The following CTNNA3 variants were observed in gnomAD, a reference collection of about 807,000 sequenced individuals.
CTNNA3 encodes the protein catenin alpha 3.
A neutral mutation model predicts 95.7 loss-of-function variants in CTNNA3; 76 were observed. That is an observed-to-expected ratio of 0.79 (90% CI 0.66 to 0.96). The LOEUF is 0.96. CTNNA3 is among the 40% of genes least tolerant of loss of function. CTNNA3 has a pLI of 0.00. For synonymous variants in CTNNA3, 431 were observed against 374.4 expected (o/e 1.15, Z -1.74); for missense variants, 1,191 against 1,089.8 (o/e 1.09, Z -1.31).
At chr10:66,471,181 T>C in intron 11 of CTNNA3, among the ~76,000 whole-genome samples, 1 of 151,896 alleles carries the variant, frequency 6.6e-6, no homozygotes, top group East Asian at 1.9e-4. Flanking sequence ...AATTATAAAG[T>C]CAATTAAAAA....
Position 67,378,994 on chromosome 10 carries a change from T to C in CTNNA3, c.579+142848A>G, listed in dbSNP as rs556502084. Among the ~76,000 whole-genome samples, 287 of 152,328 alleles carry C rather than the reference T, an allele frequency of 1.9e-3. 1 individual carries two copies. The highest frequency in any genetic ancestry group is 3.3e-3 in the Non-Finnish European group (226 of 68,020). The stretch of plus-strand genomic sequence containing the variant: ...CATTTTCAATTGTCGTTTGTCTACA[T>C]TGACAAATGCAGAGCTTCTTCACTG... On this transcript the variant is annotated intron_variant, in intron 5 of 17. Transcript: ENST00000433211.
chr10:66,021,061 A>T (rs7098230), intron 15 of CTNNA3, among the ~76,000 whole-genome samples: 2 of 151,934 alleles, frequency 1.3e-5, no homozygotes, highest in African/African-American at 2.4e-5. Context: ...CCCACAGCTC[A>T]TAAGTATCTC....
At chr10:66,714,089 G>A (rs117992948) in intron 9 of CTNNA3, among the ~76,000 whole-genome samples, 885 of 152,192 alleles carry the variant, frequency 5.8e-3, no homozygotes, top group Middle Eastern at 0.02. Flanking sequence ...CTCCAAAGAG[G>A]AGACCACACC....
intron 6 of CTNNA3, among the ~76,000 whole-genome samples, chr10:67,207,974 C>T (rs1004674166): frequency 1.3e-5 from 2 of 152,144 alleles, no homozygotes; most frequent in Admixed American, 6.6e-5. Flanking sequence ...ATTTGAGAAA[C>T]ATCAACAGAA....
intron 11 of CTNNA3, among the ~76,000 whole-genome samples, chr10:66,431,773 G>A (rs2093298574): frequency 2.0e-5 from 3 of 149,474 alleles, no homozygotes; most frequent in Admixed American, 2.0e-4. Flanking sequence ...GGGAGGGATA[G>A]CATTAGGAGA....
intron 13 of CTNNA3, among the ~76,000 whole-genome samples, chr10:66,211,752 C>T (rs1389336901): frequency 6.6e-6 from 1 of 152,166 alleles, no homozygotes; most frequent in Non-Finnish European, 1.5e-5. Flanking sequence ...GTGGAGTTTA[C>T]TGTGGGAGTC....
At chr10:66,283,289 G>A (rs536194166) in intron 12 of CTNNA3, among the ~76,000 whole-genome samples, 8 of 151,616 alleles carry the variant, frequency 5.3e-5, no homozygotes, top group Admixed American at 1.3e-4. Flanking sequence ...GGGACCTGTC[G>A]GCTACATAAC....
intron 15 of CTNNA3, among the ~76,000 whole-genome samples, chr10:65,994,504 C>A (rs2078610673): frequency 6.6e-6 from 1 of 151,846 alleles, no homozygotes; most frequent in Admixed American, 6.6e-5. Context: ...AATTTTTCTG[C>A]TGAAAAATCT....
intron 12 of CTNNA3, among the ~76,000 whole-genome samples, chr10:66,309,239 T>G (rs1441967134): frequency 2.0e-5 from 3 of 152,226 alleles, no homozygotes; most frequent in Non-Finnish European, 4.4e-5. Flanking sequence ...TACTCTGCTC[T>G]TATTTGAAAT....
At chr10:66,067,700 G>C (rs1466825593) in intron 15 of CTNNA3, among the ~76,000 whole-genome samples, 1 of 151,898 alleles carries the variant, frequency 6.6e-6, no homozygotes, top group African/African-American at 2.4e-5. Flanking sequence ...GGCGGATCAC[G>C]AGGTCAGGAG....
chr10:65,987,799 A>C (rs1366882533), intron 16 of CTNNA3, among the ~76,000 whole-genome samples: 1 of 152,124 alleles, frequency 6.6e-6, no homozygotes, highest in Non-Finnish European at 1.5e-5. Flanking sequence ...ACTGTCCACC[A>C]ATGAATGGAT....
chr10:66,006,863 C>T (rs1380017735), intron 15 of CTNNA3, among the ~76,000 whole-genome samples: 1 of 152,212 alleles, frequency 6.6e-6, no homozygotes, highest in Non-Finnish European at 1.5e-5. Context: ...GATGAAGAAA[C>T]ACACAAAGGT....
intron 5 of CTNNA3, among the ~76,000 whole-genome samples, chr10:67,488,161 G>C (rs997224459): frequency 3.9e-5 from 6 of 152,072 alleles, no homozygotes; most frequent in African/African-American, 1.4e-4. Flanking sequence ...GGGGAGGAGA[G>C]GAAGGGAAAG....
chr10:66,467,124 C>A (rs183098713), intron 11 of CTNNA3, among the ~76,000 whole-genome samples: 3 of 152,180 alleles, frequency 2.0e-5, no homozygotes, highest in Non-Finnish European at 4.4e-5. Flanking sequence ...CTATAGCATT[C>A]TTTATCAACT....
At chr10:66,574,128 A>T (rs1012870235) in intron 10 of CTNNA3, among the ~76,000 whole-genome samples, 2 of 152,104 alleles carry the variant, frequency 1.3e-5, no homozygotes, top group Admixed American at 1.3e-4. Flanking sequence ...TAATATATTC[A>T]TTTTAATTTC....
chr10:67,289,610 CATGTTCAGTACATGTATT>C (rs1396855059), intron 5 of CTNNA3, among the ~76,000 whole-genome samples: 1 of 152,134 alleles, frequency 6.6e-6, no homozygotes, highest in Non-Finnish European at 1.5e-5. Flanking sequence ...TCATCTAAAA[CATGTTCAGTACATGTATT>C]TCAAGGCTCT....
chr10:67,700,038 G>A (rs925667337), upstream of CTNNA3, among the ~76,000 whole-genome samples: 1 of 152,380 alleles, frequency 6.6e-6, no homozygotes, highest in African/African-American at 2.4e-5. Flanking sequence ...AGCAGTCTGA[G>A]ATCAAACTGC....
intron 12 of CTNNA3, among the ~76,000 whole-genome samples, chr10:66,341,313 G>C (rs762632278): frequency 6.6e-6 from 1 of 151,810 alleles, no homozygotes; most frequent in Non-Finnish European, 1.5e-5. Flanking sequence ...TAGTCTCTTT[G>C]CCATGCTGTA....
chr10:66,081,735 C>T (rs1414315734), intron 14 of CTNNA3, among the ~76,000 whole-genome samples: 1 of 152,132 alleles, frequency 6.6e-6, no homozygotes, highest in African/African-American at 2.4e-5. Flanking sequence ...GCAAACACCA[C>T]AGTAATTATT....
Sources: allele counts gnomAD v4.1 joint callset (sites outside exome capture counted in the v4.1 genomes callset), GRCh38; gene constraint gnomAD v4.1.1; transcripts MANE v1.5; gene names NCBI Gene and HGNC (gene_info 2026-07-23, HGNC 2026-07-21).